The following AQP7 variants were observed in gnomAD, a reference collection of about 807,000 sequenced individuals.
The protein encoded by AQP7 is aquaporin 7, also known as aquaporin-7.
A neutral mutation model predicts 26.1 loss-of-function variants in AQP7; 22 were observed. The observed-to-expected ratio is 0.84, with a 90% CI of 0.60 to 1.20. The LOEUF (loss-of-function observed/expected upper bound fraction) is 1.20. AQP7 is among the 50% of genes most tolerant of loss of function. The pLI is 0.00. For missense variants in AQP7, 412 were observed against 457.5 expected (o/e 0.90, Z 0.91); for synonymous variants, 167 against 181.7 (o/e 0.92, Z 0.65).
At chr9:33,396,777 G>T (rs1397301895) in intron 2 of AQP7, among the ~76,000 whole-genome samples, 1 of 150,098 alleles carries the variant, frequency 6.7e-6, no homozygotes, top group South Asian at 2.1e-4. Flanking sequence ...CACTCTTTCA[G>T]CTGGGGCAAT....
chr9:33,389,023 ATTT>A (rs34391457), intron 3 of AQP7, among the ~76,000 whole-genome samples: 64 of 111,042 alleles, frequency 5.8e-4, no homozygotes, highest in Admixed American at 6.6e-4. Context: ...CACCCAGCCA[ATTT>A]TTTTTTTTTT....
intron 2 of AQP7, chr9:33,401,003 T>G: frequency 1.7e-6 from 1 of 573,058 alleles, no homozygotes; most frequent in Non-Finnish European, 3.1e-6. Flanking sequence ...CCTGCATGCC[T>G]TGACCCTCAT....
rs4008666 is a variant in AQP7, at chr9:33,384,383, GAA to G, written c.*620_*621del. 1 of 149,540 alleles carries G rather than the reference GAA, an allele frequency of 6.7e-6. No homozygotes were observed. Among genetic ancestry groups the G allele is most frequent in the East Asian group, 1.9e-4 (1 of 5,136 alleles). The allele number at this position is 149,540 out of a possible 1,614,324, so 9.3% of individuals were successfully genotyped here. ...AAAACTGATTCTTAAAAGGGGAGGT[GAA>G]AAAAAAATCTTACTCTTTTTTATGT... is the stretch of plus-strand genomic sequence containing the variant. On this transcript the variant is annotated 3_prime_UTR_variant, in exon 8 of 8. Coordinates refer to ENST00000297988, the MANE Select transcript of AQP7 (RefSeq NM_001170.3).
chr9:33,397,537 G>A (rs1825944360), intron 2 of AQP7, among the ~76,000 whole-genome samples: 1 of 151,986 alleles, frequency 6.6e-6, no homozygotes, highest in Admixed American at 6.6e-5. Flanking sequence ...TTGTTTCTCT[G>A]GGGTAAGGAA....
chr9:33,386,613 A>G (rs1448817178), intron 4 of AQP7, 72 bp from the exon 5 acceptor site: 16 of 1,530,216 alleles, frequency 1.0e-5, no homozygotes, highest in Non-Finnish European at 1.4e-5. Context: ...TATGAGAACA[A>G]CGATGGCTAG....
chr9:33,389,706 G>A (rs145114727), intron 3 of AQP7, among the ~76,000 whole-genome samples: 5 of 152,138 alleles, frequency 3.3e-5, no homozygotes, highest in South Asian at 4.2e-4. Context: ...AGTCAAAGCC[G>A]TCAGAGGAGA....
intron 2 of AQP7, among the ~76,000 whole-genome samples, chr9:33,397,946 C>G (rs1191836600): frequency 6.6e-6 from 1 of 152,194 alleles, no homozygotes; most frequent in Non-Finnish European, 1.5e-5. Context: ...CTAGAATGTT[C>G]AGACACTGCA....
In AQP7 at chr9:33,384,969, T is replaced by C; in HGVS notation, c.*36A>G. ...TACTGCTGTCGGACAAGCCTTGCTT[T>C]ATTGGGGAATGGATGGGATCACAAA... On this transcript the variant is annotated 3_prime_UTR_variant, in exon 8 of 8. Coordinates refer to ENST00000297988, the MANE Select transcript of AQP7 (RefSeq NM_001170.3). 3 of 1,569,272 alleles carry C rather than the reference T, an allele frequency of 1.9e-6. No homozygotes were observed. Among genetic ancestry groups the C allele is most frequent in the Non-Finnish European group, 1.7e-6 (2 of 1,154,262 alleles).
In AQP7 at chr9:33,386,333, G is replaced by A; in HGVS notation, c.406+71C>T. 6.3e-6 allele frequency: 10 copies of A among 1,599,500 alleles called. No individual in the cohort carries two copies. The South Asian group carries it at 1.0e-4, about 16-fold the overall frequency. ...GCTATTTTTTACAAATCAGGACACT[G>A]AGGTCCAATCTGCCCATATTTCATA... On this transcript the variant is annotated intron_variant, in intron 5 of 7. Coordinates refer to ENST00000297988, the MANE Select transcript of AQP7 (RefSeq NM_001170.3).
At chr9:33,402,318 G>A (rs1483999525) in intron 1 of AQP7, 55 bp downstream of exon 1, 1 of 152,432 alleles carries the variant, frequency 6.6e-6, no homozygotes, top group Non-Finnish European at 1.5e-5. Flanking sequence ...GGCCCTTCCA[G>A]ATCTGGGCGC....
chr9:33,395,607 A>G (rs1431892660), intron 2 of AQP7: 1 of 201,552 alleles, frequency 5.0e-6, no homozygotes, highest in Non-Finnish European at 1.0e-5. Context: ...TGCTAGAGCC[A>G]GAACTTTGGG....
rs1824723258 is a variant in AQP7 at position 33,385,884 on chromosome 9, T to C, written c.526-18A>G. 6.3e-7 allele frequency: 1 copy of C among 1,597,150 alleles called. No homozygotes were observed. On this transcript the variant is annotated intron_variant, in intron 6 of 7. Coordinates refer to ENST00000297988, the MANE Select transcript of AQP7 (RefSeq NM_001170.3). ...AGCCACGCCTGAGGAGCAGATGCTGTGGCAGCTCACCTGGGCCCCTCCCCA... is the reference window on the plus strand; with the variant it reads ...AGCCACGCCTGAGGAGCAGATGCTGCGGCAGCTCACCTGGGCCCCTCCCCA...
At chr9:33,398,896 C>T (rs915136412) in intron 2 of AQP7, among the ~76,000 whole-genome samples, 1 of 152,136 alleles carries the variant, frequency 6.6e-6, no homozygotes, top group Admixed American at 6.5e-5. Flanking sequence ...CAACCAGATT[C>T]CCTAAGTAAT....
Position 33,385,729 on chromosome 9 carries a change from T to C in AQP7, c.663A>G (p.Thr221=). 1 of 1,613,968 alleles carries C rather than the reference T, an allele frequency of 6.2e-7. No individual in the cohort carries two copies. Among genetic ancestry groups the C allele is most frequent in the South Asian group, 1.1e-5 (1 of 91,074 alleles). ...VIIGVSLGMN[T]GYAINPSRDL... Reference sequence around the variant, plus strand: ...CCCGGGACGGGTTGATGGCATATCCTGTGTTCATGCCAAGGGACACCCCGA... The same window carrying C: ...CCCGGGACGGGTTGATGGCATATCCCGTGTTCATGCCAAGGGACACCCCGA... The change falls in exon 7 of 8, where the codon ACA becomes ACG. Residue 221 remains threonine (T), a synonymous_variant. Coordinates refer to ENST00000297988, the MANE Select transcript of AQP7 (RefSeq NM_001170.3).
intron 3 of AQP7, among the ~76,000 whole-genome samples, 158 bp downstream of exon 3, chr9:33,394,920 A>G (rs1825722779): frequency 6.6e-6 from 1 of 152,122 alleles, no homozygotes; most frequent in African/African-American, 2.4e-5. Flanking sequence ...AAAAGGCTTG[A>G]TGAGAAAGCC....
Position 33,385,286 on chromosome 9 carries a change from C to T in AQP7, c.748G>A (p.Gly250Arg), listed in dbSNP as rs760977156. The T allele has an allele frequency of 2.5e-6, 4 of 1,609,208 alleles. No individual in the cohort carries two copies. The highest frequency in any genetic ancestry group is 1.3e-5 in the African/African-American group (1 of 74,908). Residue 250 changes from glycine to arginine, a missense_variant, in exon 8 of 8, where the codon GGG becomes AGG. Coordinates refer to ENST00000297988, the MANE Select transcript of AQP7 (RefSeq NM_001170.3). ...AGWGKQVFSN[G>R]ENWWWVPVVA... The stretch of plus-strand genomic sequence containing the variant: ...ACTGGCACCCACCACCAGTTCTCCC[C>T]ATTGCTGCAGGCAAGAGGCAGAGGC...
intron 3 of AQP7, 137 bp downstream of exon 3, chr9:33,394,941 A>ACTTT: frequency 1.3e-6 from 1 of 761,904 alleles, no homozygotes; most frequent in Non-Finnish European, 2.2e-6. Context: ...CCCCCTCCTT[A>ACTTT]CTTTCCTCTG....
intron 2 of AQP7, among the ~76,000 whole-genome samples, chr9:33,400,050 G>A (rs555732664): frequency 3.9e-5 from 6 of 152,192 alleles, no homozygotes; most frequent in African/African-American, 1.4e-4. Flanking sequence ...TTTCCATCTA[G>A]GAGCTGAGTT....
intron 2 of AQP7, among the ~76,000 whole-genome samples, chr9:33,396,428 G>C (rs1400254751): frequency 2.9e-5 from 3 of 103,242 alleles, no homozygotes; most frequent in Admixed American, 1.4e-4. Flanking sequence ...ACAAGAGCGA[G>C]ACTCCATCTC....
Sources: gnomAD v4.1 joint callset for allele counts (sites outside exome capture counted in the v4.1 genomes callset) on GRCh38, gnomAD v4.1.1 for gene constraint, MANE v1.5 for transcripts, NCBI Gene and HGNC (gene_info 2026-07-23, HGNC 2026-07-21) for gene names.